The following SLC8A1 variants were observed in gnomAD, a reference collection of about 807,000 sequenced individuals.
SLC8A1 encodes the protein sodium/calcium exchanger 1.
In SLC8A1, 18 loss-of-function variants were observed where a neutral mutation model predicts 68.3. The ratio of observed to expected loss-of-function variants is 0.26; its 90% CI spans 0.18 to 0.39. The LOEUF is 0.39. SLC8A1 is among the 10% of genes least tolerant of loss of function. SLC8A1 has a pLI of 1.00. For missense variants in SLC8A1, 985 were observed against 1,156.7 expected (o/e 0.85, Z 2.15); for synonymous variants, 475 against 415.5 (o/e 1.14, Z -1.74).
exon 8 of SLC8A1, chr2:40,101,593 C>T (rs1480241878): frequency 6.6e-6 from 1 of 151,972 alleles, no homozygotes; most frequent in Non-Finnish European, 1.5e-5. Context: ...GATTAATGTC[C>T]CTTAAAATTA....
intron 2 of SLC8A1, among the ~76,000 whole-genome samples, chr2:40,248,050 TA>T (rs1035545153): frequency 6.6e-6 from 1 of 152,214 alleles, no homozygotes; most frequent in Non-Finnish European, 1.5e-5. Flanking sequence ...TTGATTTATT[TA>T]AGGTATGTTC....
intron 2 of SLC8A1, among the ~76,000 whole-genome samples, chr2:40,288,231 C>T (rs577020644): frequency 2.4e-4 from 37 of 152,214 alleles, no homozygotes; most frequent in African/African-American, 8.7e-4. Flanking sequence ...ACACATATGA[C>T]CTGAAACTTT....
intron 2 of SLC8A1, among the ~76,000 whole-genome samples, chr2:40,394,500 G>C (rs1686303752): frequency 6.6e-6 from 1 of 151,816 alleles, no homozygotes; most frequent in African/African-American, 2.4e-5. Context: ...CAGAGCGGTA[G>C]CAAGCAAATG....
rs144438381 is a variant in SLC8A1, at chr2:40,227,424, G to A, written c.1809-49569C>T. ...ATAACCACATCCTTTGCAGGGACAC[G>A]GGATAGCTGGAGGCCATTATCCTTA... On this transcript the variant is annotated intron_variant, in intron 2 of 7. Transcript: ENST00000406785. Among the ~76,000 whole-genome samples the A allele has an allele frequency of 2.7e-4, 41 of 152,084 alleles. No individual in the cohort carries two copies. The East Asian group carries it at 4.7e-3, about 17-fold the overall frequency.
chr2:40,281,887 G>A (rs1178268305), intron 2 of SLC8A1, among the ~76,000 whole-genome samples: 1 of 152,132 alleles, frequency 6.6e-6, no homozygotes, highest in Non-Finnish European at 1.5e-5. Flanking sequence ...TGAAGACTCT[G>A]TCTTCACTTG....
intron 2 of SLC8A1, among the ~76,000 whole-genome samples, chr2:40,184,129 T>C (rs542817939): frequency 1.0e-3 from 154 of 152,278 alleles, no homozygotes; most frequent in African/African-American, 3.6e-3. Context: ...TGAGATGTGA[T>C]CATGCCACTG....
At chr2:40,385,888 T>C (rs1683394996) in intron 2 of SLC8A1, among the ~76,000 whole-genome samples, 1 of 151,392 alleles carries the variant, frequency 6.6e-6, no homozygotes, top group Non-Finnish European at 1.5e-5. Context: ...GATAATCCAC[T>C]TGATGATAGA....
upstream of SLC8A1, among the ~76,000 whole-genome samples, chr2:40,454,924 T>C (rs1276260132): frequency 6.6e-6 from 1 of 152,150 alleles, no homozygotes; most frequent in South Asian, 2.1e-4. Flanking sequence ...AAAGAAGACA[T>C]GTTGAATGGA....
intron 2 of SLC8A1, among the ~76,000 whole-genome samples, chr2:40,230,756 A>G (rs1035638545): frequency 5.9e-5 from 9 of 152,334 alleles, no homozygotes; most frequent in Non-Finnish European, 1.3e-4. Flanking sequence ...AGCTTACAAG[A>G]ACAAAAAATA....
chr2:40,246,539 C>T (rs116609157), intron 2 of SLC8A1, among the ~76,000 whole-genome samples: 3,665 of 152,306 alleles, frequency 0.024, 167 homozygotes, highest in African/African-American at 0.083. Context: ...GTGGGGTAAT[C>T]ACTCTGCTCA....
At chr2:40,184,314 C>T (rs894231248) in intron 2 of SLC8A1, among the ~76,000 whole-genome samples, 3 of 152,098 alleles carry the variant, frequency 2.0e-5, no homozygotes, top group Non-Finnish European at 1.5e-5. Flanking sequence ...AATTGTGAGA[C>T]AGTAATAGTC....
chr2:40,258,079 A>G (rs570280168), intron 2 of SLC8A1, among the ~76,000 whole-genome samples: 3 of 152,304 alleles, frequency 2.0e-5, no homozygotes, highest in East Asian at 1.9e-4. Context: ...AAAAGCTGTC[A>G]AACATTTTGT....
At chr2:40,226,835 C>G (rs1029634957) in intron 2 of SLC8A1, among the ~76,000 whole-genome samples, 1 of 152,122 alleles carries the variant, frequency 6.6e-6, no homozygotes, top group East Asian at 1.9e-4. Flanking sequence ...TAATGAGCAT[C>G]TATTAATAGA....
intron 1 of SLC8A1, among the ~76,000 whole-genome samples, chr2:40,462,815 T>C (rs1449982714): frequency 6.6e-6 from 1 of 151,940 alleles, no homozygotes; most frequent in South Asian, 2.1e-4. Context: ...TAAAATAAAA[T>C]ATAAAATAAA....
intron 2 of SLC8A1, among the ~76,000 whole-genome samples, chr2:40,197,372 A>G (rs1573916534): frequency 1.3e-5 from 2 of 152,006 alleles, no homozygotes; most frequent in Non-Finnish European, 2.9e-5. Context: ...CTACGGCTGG[A>G]AATGCAACTA....
chr2:40,413,158 T>C (rs1410167607), intron 2 of SLC8A1, among the ~76,000 whole-genome samples: 1 of 152,212 alleles, frequency 6.6e-6, no homozygotes, highest in Non-Finnish European at 1.5e-5. Context: ...TTGGTGGGAC[T>C]GTAAACTAGT....
At chr2:40,188,182 G>C (rs1335941622) in intron 2 of SLC8A1, among the ~76,000 whole-genome samples, 2 of 152,074 alleles carry the variant, frequency 1.3e-5, no homozygotes, top group Non-Finnish European at 2.9e-5. Flanking sequence ...GCAGATTCTT[G>C]GCATCGTCAA....
intron 2 of SLC8A1, chr2:40,190,484 T>G (rs144591537): frequency 6.6e-6 from 1 of 152,346 alleles, no homozygotes; most frequent in Non-Finnish European, 1.5e-5. Context: ...TGCTAAAATC[T>G]AATTCACCAC....
intron 2 of SLC8A1, among the ~76,000 whole-genome samples, chr2:40,203,314 G>A (rs1558736806): frequency 6.6e-6 from 1 of 152,004 alleles, no homozygotes; most frequent in Non-Finnish European, 1.5e-5. Context: ...ACAAATTAAA[G>A]AGCATGGAAG....
Sources: allele counts gnomAD v4.1 joint callset (sites outside exome capture counted in the v4.1 genomes callset), GRCh38; gene constraint gnomAD v4.1.1; transcripts MANE v1.5; gene names NCBI Gene and HGNC (gene_info 2026-07-23, HGNC 2026-07-21).